Variants in GALNT10 observed in about 807,000 individuals in gnomAD.
The protein encoded by GALNT10 is polypeptide N-acetylgalactosaminyltransferase 10, also known as GalNAc transferase 10.
A neutral mutation model predicts 75.0 loss-of-function variants in GALNT10; 41 were observed. The observed-to-expected ratio is 0.55, with a 90% CI of 0.43 to 0.71. The LOEUF is 0.71. Among genes scored for constraint, GALNT10 ranks in the 30% least tolerant of loss-of-function variants. The pLI is 0.00. For synonymous variants in GALNT10, 302 were observed against 313.0 expected (o/e 0.96, Z 0.37); for missense variants, 727 against 818.5 (o/e 0.89, Z 1.36).
At chr5:154,295,278 C>G (rs1176712384) in intron 2 of GALNT10, among the ~76,000 whole-genome samples, 1 of 152,148 alleles carries the variant, frequency 6.6e-6, no homozygotes, top group Non-Finnish European at 1.5e-5. Context: ...AAACAAGGAG[C>G]AGTAATAAGA....
At chr5:154,212,698 G>A (rs914774571) in intron 1 of GALNT10, among the ~76,000 whole-genome samples, 1 of 151,432 alleles carries the variant, frequency 6.6e-6, no homozygotes, top group African/African-American at 2.4e-5. Context: ...GCCGGGCATG[G>A]TGGCTCATGC....
chr5:154,278,068 A>C (rs1005633099), intron 1 of GALNT10, among the ~76,000 whole-genome samples: 2 of 152,252 alleles, frequency 1.3e-5, no homozygotes, highest in Admixed American at 6.5e-5. Context: ...CAGATGGGTG[A>C]CGGATGCTTC....
At chr5:154,354,901 T>C (rs1169358603) in intron 4 of GALNT10, among the ~76,000 whole-genome samples, 1 of 152,198 alleles carries the variant, frequency 6.6e-6, no homozygotes, top group Non-Finnish European at 1.5e-5. Context: ...GTGAACATCA[T>C]CAGTCATATG....
At chr5:154,321,589 G>T (rs1030888215) in intron 3 of GALNT10, among the ~76,000 whole-genome samples, 5 of 152,154 alleles carry the variant, frequency 3.3e-5, no homozygotes, top group African/African-American at 4.8e-5. Context: ...CTCCCAAAGT[G>T]TTGCGATTAC....
intron 10 of GALNT10, among the ~76,000 whole-genome samples, chr5:154,413,856 A>C (rs957660001): frequency 2.0e-5 from 3 of 152,346 alleles, no homozygotes; most frequent in African/African-American, 7.2e-5. Context: ...AATAAAAAGC[A>C]ATCCACAGAT....
At position 154,337,963 on chromosome 5, in the gene GALNT10, G is replaced by A. The variant is rs1279314834; in HGVS notation, c.568+8225G>A. The A allele has an allele frequency of 3.2e-6, 5 of 1,575,562 alleles. No individual in the cohort carries two copies. In the African/African-American group the frequency reaches 5.4e-5, roughly 17 times the overall value. On this transcript the variant is annotated intron_variant, in intron 4 of 11. Transcript: ENST00000297107. ...ATGACAGTCTTATCCACGGAGTCAT[G>A]GTCGTCAAAGGTTACAAAGGCAAAG...
chr5:154,355,727 G>C (rs1427548688), intron 4 of GALNT10, among the ~76,000 whole-genome samples: 1 of 150,724 alleles, frequency 6.6e-6, no homozygotes, highest in Non-Finnish European at 1.5e-5. Context: ...TGAGATATCT[G>C]ACATGCTGGG....
chr5:154,404,027 A>G (rs4958733), intron 7 of GALNT10, 77 bp from the exon 8 acceptor site: 394,223 of 1,102,058 alleles, frequency 0.36, 72,582 homozygotes, highest in Non-Finnish European at 0.39. Context: ...TGCTGAGTGC[A>G]CTAAGGGATG....
intron 1 of GALNT10, among the ~76,000 whole-genome samples, chr5:154,206,398 G>A (rs906643278): frequency 6.6e-6 from 1 of 152,182 alleles, no homozygotes; most frequent in Non-Finnish European, 1.5e-5. Context: ...GGATTACTAT[G>A]TGATAGATAC....
intron 10 of GALNT10, among the ~76,000 whole-genome samples, chr5:154,413,251 C>A (rs184690234): frequency 6.6e-6 from 1 of 152,318 alleles, no homozygotes; most frequent in Non-Finnish European, 1.5e-5. Context: ...TGGCCTTCAA[C>A]AAAAAGTGCG....
chr5:154,411,764 C>T (rs1422289710), intron 9 of GALNT10, among the ~76,000 whole-genome samples: 1 of 152,204 alleles, frequency 6.6e-6, no homozygotes, highest in Non-Finnish European at 1.5e-5. Flanking sequence ...AGTTCAAGTC[C>T]TCCAAGAAGC....
chr5:154,301,562 GTTT>G (rs371007487), intron 3 of GALNT10, among the ~76,000 whole-genome samples: 2 of 129,672 alleles, frequency 1.5e-5, no homozygotes, highest in African/African-American at 5.6e-5. Flanking sequence ...TTGTTTTTTT[GTTT>G]TTTTTTTTTT....
intron 10 of GALNT10, among the ~76,000 whole-genome samples, chr5:154,414,695 C>G (rs2113227521): frequency 6.6e-6 from 1 of 151,772 alleles, no homozygotes; most frequent in South Asian, 2.1e-4. Flanking sequence ...AAACATATGT[C>G]AAGATGTATC....
At chr5:154,308,432 A>G (rs965968260) in intron 3 of GALNT10, among the ~76,000 whole-genome samples, 7 of 152,168 alleles carry the variant, frequency 4.6e-5, no homozygotes, top group Non-Finnish European at 8.8e-5. Context: ...CCCATAGCAG[A>G]AAGGAAGTCT....
At position 154,412,573 on chromosome 5, in the gene GALNT10, G is replaced by T; in HGVS notation, c.1387-316G>T. On this transcript the variant is annotated intron_variant, in intron 9 of 11. Coordinates refer to ENST00000297107, the MANE Select transcript of GALNT10 (RefSeq NM_198321.4). This position sits in a 1 kb window ranked among gnomAD's most constrained non-coding sequence, Gnocchi z 4.2. ...TAAAATCTGGTTCCTGGACCTGTCG[G>T]TTCAATTTCTCCAGGAGTAGGGCCA... is the stretch of plus-strand genomic sequence containing the variant. 1 of 309,988 alleles carries T rather than the reference G, an allele frequency of 3.2e-6. No individual in the cohort carries two copies. The highest frequency in any genetic ancestry group is 6.2e-6 in the Non-Finnish European group (1 of 162,474). 19.2% of individuals were successfully genotyped at this position (309,988 alleles called of 1,614,324 possible).
At chr5:154,272,898 G>A (rs974813298) in intron 1 of GALNT10, among the ~76,000 whole-genome samples, 3 of 151,288 alleles carry the variant, frequency 2.0e-5, no homozygotes, top group Admixed American at 6.6e-5. Flanking sequence ...TGGAGTGCAG[G>A]GGCCAGATCA....
intron 1 of GALNT10, among the ~76,000 whole-genome samples, chr5:154,222,235 G>GT (rs34297252): frequency 0.38 from 54,806 of 143,396 alleles, 11,727 homozygotes; most frequent in East Asian, 0.83. Context: ...CTTTTTGCCT[G>GT]TTTTTTTTTT....
intron 7 of GALNT10, among the ~76,000 whole-genome samples, chr5:154,394,002 C>T (rs1470876678): frequency 6.6e-6 from 1 of 152,220 alleles, no homozygotes; most frequent in African/African-American, 2.4e-5. Flanking sequence ...AGGCCTGAGG[C>T]CGCCAAGAGC....
intron 6 of GALNT10, among the ~76,000 whole-genome samples, chr5:154,382,136 A>G (rs1315720057): frequency 6.6e-6 from 1 of 152,200 alleles, no homozygotes. Context: ...AGCCATCTTC[A>G]TGGGCATGGT....
Sources: gnomAD v4.1 joint callset for allele counts (sites outside exome capture counted in the v4.1 genomes callset) on GRCh38, gnomAD v4.1.1 for gene constraint, Gnocchi (gnomAD v3.1) non-coding constraint, MANE v1.5 for transcripts, NCBI Gene and HGNC (gene_info 2026-07-23, HGNC 2026-07-21) for gene names.